Variants in SERPINB6 observed in about 807,000 individuals in gnomAD.
SERPINB6 encodes the protein serpin family B member 6, also known as serpin B6.
In SERPINB6, 16 loss-of-function variants were observed where a neutral mutation model predicts 26.1. That is an observed-to-expected ratio of 0.61 (90% CI 0.42 to 0.93). The LOEUF is 0.93. SERPINB6 is among the 40% of genes least tolerant of loss of function. The probability of loss-of-function intolerance (pLI) is 0.00; values close to 1 mark genes in which losing one functional copy is unlikely to be tolerated. For synonymous variants in SERPINB6, 174 were observed against 176.6 expected, an observed-to-expected ratio of 0.99 and a Z score of 0.11; for missense variants, 420 against 478.0, an observed-to-expected ratio of 0.88 and a Z score of 1.13.
chr6:2,952,721 C>T (rs1769949244), intron 5 of SERPINB6, among the ~76,000 whole-genome samples: 1 of 152,228 alleles, frequency 6.6e-6, no homozygotes, highest in African/African-American at 2.4e-5. Context: ...CGGGGCTTCC[C>T]GGGACGCCGC....
chr6:2,962,197 T>C (rs2113289953), intron 1 of SERPINB6: 1 of 985,466 alleles, frequency 1.0e-6, no homozygotes, highest in Non-Finnish European at 1.2e-6. Context: ...GGTGCCTGTC[T>C]GGCCAGCCCA....
chr6:2,968,566 A>G (rs1356618332), intron 1 of SERPINB6: 2 of 1,200,586 alleles, frequency 1.7e-6, no homozygotes, highest in Non-Finnish European at 2.1e-6. Flanking sequence ...TGCCTTCTAT[A>G]CTAATTCTTT....
At chr6:2,968,995 C>G in intron 1 of SERPINB6, 1 of 1,216,530 alleles carries the variant, frequency 8.2e-7, no homozygotes, top group Non-Finnish European at 1.0e-6. Context: ...CCACTGCCTC[C>G]CCCACAGTGC....
At chr6:2,966,136 G>C (rs1489030124) in intron 1 of SERPINB6, among the ~76,000 whole-genome samples, 1 of 151,982 alleles carries the variant, frequency 6.6e-6, no homozygotes, top group Non-Finnish European at 1.5e-5. Context: ...CTTTAAGTTG[G>C]TTTTTACAAC....
intron 1 of SERPINB6, chr6:2,970,697 T>G: frequency 9.0e-7 from 1 of 1,117,102 alleles, no homozygotes; most frequent in East Asian, 3.7e-5. Context: ...TTTCTGTACC[T>G]CAGTTTTCCG....
intron 2 of SERPINB6, 148 bp from the exon 3 acceptor site, chr6:2,955,818 T>A: frequency 1.2e-6 from 1 of 837,946 alleles, no homozygotes; most frequent in Non-Finnish European, 1.8e-6. Context: ...AGCTCACGCC[T>A]ATAATCCCAG....
chr6:2,951,445 A>C (rs1251894096), intron 5 of SERPINB6, among the ~76,000 whole-genome samples: 1 of 151,960 alleles, frequency 6.6e-6, no homozygotes, highest in Non-Finnish European at 1.5e-5. Flanking sequence ...TAAACCTTTA[A>C]AAAAAATTAG....
At chr6:2,962,546 A>G (rs554953583) in intron 1 of SERPINB6, among the ~76,000 whole-genome samples, 110 of 152,314 alleles carry the variant, frequency 7.2e-4, no homozygotes, top group African/African-American at 2.6e-3. Flanking sequence ...CATCTCTAAC[A>G]TTCAATAATT....
chr6:2,956,541 G>A (rs1023946792), intron 2 of SERPINB6: 2 of 152,486 alleles, frequency 1.3e-5, no homozygotes, highest in Non-Finnish European at 2.9e-5. Flanking sequence ...GAGGCCTCTA[G>A]CCGGGCGTGG....
chr6:2,949,148 T>G (rs1302671914), intron 5 of SERPINB6, 79 bp from the exon 6 acceptor site: 1 of 1,521,970 alleles, frequency 6.6e-7, no homozygotes, highest in Non-Finnish European at 9.0e-7. Context: ...AGCTGGCCAC[T>G]CTCTGCAGGG....
At chr6:2,954,516 GAC>G (rs1770198566) in intron 4 of SERPINB6, 74 bp downstream of exon 4, 2 of 1,133,708 alleles carry the variant, frequency 1.8e-6, no homozygotes, top group Middle Eastern at 1.9e-4. Flanking sequence ...GTTTACAATT[GAC>G]AGTCTTGTGA....
intron 5 of SERPINB6, among the ~76,000 whole-genome samples, chr6:2,952,566 A>G (rs1455766928): frequency 6.6e-6 from 1 of 152,218 alleles, no homozygotes; most frequent in East Asian, 1.9e-4. Flanking sequence ...AGAGGACTGA[A>G]TATCACTCAT....
intron 1 of SERPINB6, among the ~76,000 whole-genome samples, chr6:2,961,518 C>T (rs573622685): frequency 2.0e-5 from 3 of 152,092 alleles, no homozygotes; most frequent in African/African-American, 4.8e-5. Context: ...AAGAACTGCC[C>T]GCTTATCAAC....
At chr6:2,966,838 A>T in intron 1 of SERPINB6, 1 of 520,678 alleles carries the variant, frequency 1.9e-6, no homozygotes, top group Non-Finnish European at 2.5e-6. Context: ...TATTTTTTGT[A>T]GAGACAGGGT....
intron 1 of SERPINB6, chr6:2,959,573 C>T (rs1262491966): frequency 5.5e-6 from 3 of 549,444 alleles, no homozygotes; most frequent in Non-Finnish European, 9.8e-6. Flanking sequence ...TTTGTGAGGA[C>T]TCCTCCCTGC....
chr6:2,970,057 C>CAA (rs754952384), intron 1 of SERPINB6: 1,931 of 796,952 alleles, frequency 2.4e-3, no homozygotes, highest in East Asian at 2.6e-3. Context: ...TCCAGCCTGG[C>CAA]AAAAAAAAAA....
rs1470274803 is a variant in SERPINB6 at position 2,948,801 on chromosome 6, G to C, written c.730-102C>G. 1.3e-6 allele frequency: 2 copies of C among 1,561,086 alleles called. No homozygotes were observed. The highest frequency in any genetic ancestry group is 1.7e-5 in the Admixed American group (1 of 59,956). On this transcript the variant is annotated intron_variant, in intron 6 of 6. Coordinates refer to ENST00000380539, the MANE Select transcript of SERPINB6 (RefSeq NM_004568.6). This position sits in a 1 kb window ranked among gnomAD's most constrained non-coding sequence, Gnocchi z 5.0. ...CAGACACCAGTGGCAGCGTGGCTAT[G>C]GTCAGCAGCGCTCCAGTGTTAAACG...
At chr6:2,965,201 A>G (rs756854661) in intron 1 of SERPINB6, among the ~76,000 whole-genome samples, 6 of 152,044 alleles carry the variant, frequency 3.9e-5, no homozygotes, top group Non-Finnish European at 8.8e-5. Flanking sequence ...TGTATTTTCA[A>G]ATTCTCCCCA....
intron 3 of SERPINB6, 73 bp from the exon 4 acceptor site, chr6:2,954,782 A>T: frequency 1.0e-6 from 1 of 956,162 alleles, no homozygotes; most frequent in Non-Finnish European, 1.7e-6. Flanking sequence ...TCTTCATTGC[A>T]CCAAGTCAGA....
Sources: allele counts gnomAD v4.1 joint callset (sites outside exome capture counted in the v4.1 genomes callset), GRCh38; gene constraint gnomAD v4.1.1; non-coding constraint Gnocchi (gnomAD v3.1); transcripts MANE v1.5; gene names NCBI Gene and HGNC (gene_info 2026-07-23, HGNC 2026-07-21).